The following FRMPD4 variants were observed in gnomAD, a reference collection of about 807,000 sequenced individuals.
FRMPD4 encodes FERM and PDZ domain containing 4.
A neutral mutation model predicts 94.1 loss-of-function variants in FRMPD4; 22 were observed. The ratio of observed to expected loss-of-function variants is 0.23; its 90% CI spans 0.17 to 0.33. The LOEUF is 0.33. Among genes scored for constraint, FRMPD4 ranks in the 10% least tolerant of loss-of-function variants. The pLI is 1.00. For missense variants in FRMPD4, 1,111 were observed against 1,339.9 expected (o/e 0.83, Z 2.67); for synonymous variants, 631 against 548.6 (o/e 1.15, Z -2.10).
chrX:12,254,428 G>T (rs938525374), intron 1 of FRMPD4, among the ~76,000 whole-genome samples: 1 of 111,941 alleles, frequency 8.9e-6, no homozygotes, highest in Admixed American at 9.5e-5. Flanking sequence ...CTTGCTTTGG[G>T]ATTCAAAGAA....
intron 2 of FRMPD4, among the ~76,000 whole-genome samples, chrX:12,515,046 G>C (rs906430173): frequency 1.2e-4 from 13 of 111,794 alleles, no homozygotes; most frequent in African/African-American, 3.9e-4. Flanking sequence ...TTCTATTTTT[G>C]TGGGGTCAGT....
At chrX:12,541,042 G>A (rs192324694) in intron 2 of FRMPD4, among the ~76,000 whole-genome samples, 121 of 111,979 alleles carry the variant, frequency 1.1e-3, no homozygotes, top group East Asian at 8.3e-4. Flanking sequence ...TGAAACCAAT[G>A]AGAACAAAGA....
intron 8 of FRMPD4, among the ~76,000 whole-genome samples, chrX:12,693,858 G>A (rs928208965): frequency 3.5e-4 from 39 of 111,439 alleles, no homozygotes; most frequent in Admixed American, 1.9e-4. Context: ...TCAGACTACC[G>A]GAGCCCATCG....
chrX:12,554,090 T>C (rs1385697131), intron 2 of FRMPD4, among the ~76,000 whole-genome samples: 1 of 111,920 alleles, frequency 8.9e-6, no homozygotes, highest in Non-Finnish European at 1.9e-5. Flanking sequence ...TATACAAACA[T>C]TCCATGTTAT....
chrX:12,016,338 T>A (rs778603452), intron 3 of FRMPD4, among the ~76,000 whole-genome samples: 26 of 112,157 alleles, frequency 2.3e-4, no homozygotes, highest in African/African-American at 8.1e-4. Context: ...AGAGGCTCAA[T>A]GTGGTTAGCG....
intron 3 of FRMPD4, among the ~76,000 whole-genome samples, chrX:11,934,863 C>G (rs1381094275): frequency 9.1e-6 from 1 of 109,352 alleles, no homozygotes; most frequent in Non-Finnish European, 1.9e-5. Flanking sequence ...AAGACAAGAT[C>G]GTTTTGTTGT....
intron 3 of FRMPD4, among the ~76,000 whole-genome samples, chrX:12,034,606 T>C (rs192955468): frequency 4.5e-5 from 5 of 111,527 alleles, no homozygotes; most frequent in Non-Finnish European, 7.5e-5. Context: ...CACTTGGGAG[T>C]CGAGCAGGAA....
At chrX:12,660,880 T>G (rs1214067989) in intron 4 of FRMPD4, among the ~76,000 whole-genome samples, 3 of 111,711 alleles carry the variant, frequency 2.7e-5, no homozygotes, top group Non-Finnish European at 5.6e-5. Context: ...TTTTGTCATA[T>G]GTTGTTGCCT....
rs1016221092 is a variant in FRMPD4 at position 12,074,310 on chromosome X, C to T, written c.95+196292C>T. 5.4e-5 allele frequency among the ~76,000 whole-genome samples: 6 copies of T among 111,216 alleles called. No homozygotes were observed. The South Asian group carries it at 1.5e-3, about 28-fold the overall frequency. On this transcript the variant is annotated intron_variant, in intron 3 of 18. Transcript: ENST00000640291. ...AGCTGACACTCATCTCAGGCAAGCC[C>T]GTCTTCTGATTTTTCCCAGGTGTTT...
chrX:11,918,778 G>A (rs1252208756), intron 3 of FRMPD4, among the ~76,000 whole-genome samples: 1 of 112,121 alleles, frequency 8.9e-6, no homozygotes, highest in Admixed American at 9.4e-5. Flanking sequence ...TTTTAAAAAG[G>A]GTTGATCACC....
chrX:11,833,122 T>G (rs1803308872), intron 1 of FRMPD4, among the ~76,000 whole-genome samples: 1 of 112,310 alleles, frequency 8.9e-6, no homozygotes, highest in Non-Finnish European at 1.9e-5. Flanking sequence ...CTTCTTTCAC[T>G]GAGTAACATG....
intron 3 of FRMPD4, among the ~76,000 whole-genome samples, chrX:12,025,760 AG>A (rs2054657306): frequency 9.0e-6 from 1 of 111,688 alleles, no homozygotes; most frequent in Non-Finnish European, 1.9e-5. Flanking sequence ...TGATTGTTAA[AG>A]GACTGGACTC....
At chrX:12,007,978 G>C (rs2054562616) in intron 3 of FRMPD4, among the ~76,000 whole-genome samples, 1 of 111,814 alleles carries the variant, frequency 8.9e-6, no homozygotes, top group Admixed American at 9.5e-5. Flanking sequence ...CATTAAGAGG[G>C]GGAAGGAGAG....
chrX:12,316,064 T>TAAGC (rs1301798469), intron 1 of FRMPD4, among the ~76,000 whole-genome samples: 3 of 112,554 alleles, frequency 2.7e-5, no homozygotes, highest in Non-Finnish European at 5.6e-5. Flanking sequence ...TTATTCAATG[T>TAAGC]AAGCATAGAC....
rs192598541 is a variant in FRMPD4 at position 12,666,647 on chromosome X, A to G, written c.423-8216A>G. On this transcript the variant is annotated intron_variant, in intron 4 of 16. Transcript: ENST00000675598. ...AACTCACTCAAAACCACACAACTACATGGAAACTGAACAACCTGCTCCTGA... is the reference window on the plus strand; with the variant it reads ...AACTCACTCAAAACCACACAACTACGTGGAAACTGAACAACCTGCTCCTGA... Among the ~76,000 whole-genome samples the G allele has an allele frequency of 3.9e-3, 440 of 112,134 alleles. 1 individual carries two copies. The highest frequency in any genetic ancestry group is 0.013 in the African/African-American group (407 of 30,909).
At chrX:12,200,663 C>A (rs139542616) in intron 1 of FRMPD4, among the ~76,000 whole-genome samples, 1,967 of 110,496 alleles carry the variant, frequency 0.018, 51 homozygotes, top group African/African-American at 0.061. Context: ...ATAAAGCAGG[C>A]TACAAATAAT....
chrX:12,588,279 C>A lies in FRMPD4; in HGVS notation c.159-21442C>A, dbSNP rs543404021. The stretch of plus-strand genomic sequence containing the variant: ...TGCTGGGATTACAGGCGTGAGCCAC[C>A]ACGCTCAGCCTGAGAATTGTTAAAT... On this transcript the variant is annotated intron_variant, in intron 2 of 16. Coordinates refer to ENST00000675598, the MANE Select transcript of FRMPD4 (RefSeq NM_001368397.1). 5.3e-5 allele frequency among the ~76,000 whole-genome samples: 6 copies of A among 112,513 alleles called. No homozygotes were observed. In the South Asian group the frequency reaches 2.2e-3, roughly 41 times the overall value.
chrX:12,038,729 G>A (rs922338312), intron 3 of FRMPD4, among the ~76,000 whole-genome samples: 1 of 111,631 alleles, frequency 9.0e-6, no homozygotes, highest in Non-Finnish European at 1.9e-5. Context: ...TAATTGTTTG[G>A]CATAAATTTT....
intron 1 of FRMPD4, among the ~76,000 whole-genome samples, chrX:12,421,785 A>T: frequency 1.1e-5 from 1 of 91,612 alleles, no homozygotes; most frequent in Non-Finnish European, 2.1e-5. Flanking sequence ...AAAAAAAAAA[A>T]GCTGGGGGGG....
Sources: gnomAD v4.1 joint callset for allele counts (sites outside exome capture counted in the v4.1 genomes callset) on GRCh38, gnomAD v4.1.1 for gene constraint, MANE v1.5 for transcripts, NCBI Gene and HGNC (gene_info 2026-07-23, HGNC 2026-07-21) for gene names.